RAPGEF6: variants seen among roughly 807,000 people sequenced by gnomAD.
RAPGEF6 encodes Rap guanine nucleotide exchange factor 6, also known as PDZ domain containing guanine nucleotide exchange factor (GEF) 2.
In RAPGEF6, 56 loss-of-function variants were observed where a neutral mutation model predicts 171.4. That is an observed-to-expected ratio of 0.33 (90% CI 0.26 to 0.41). The LOEUF (loss-of-function observed/expected upper bound fraction) is 0.41. RAPGEF6 is among the 10% of genes least tolerant of loss of function. The probability of loss-of-function intolerance (pLI) is 1.00; values close to 1 mark genes in which losing one functional copy is unlikely to be tolerated. For missense variants in RAPGEF6, 1,674 were observed against 1,921.4 expected, an observed-to-expected ratio of 0.87 and a Z score of 2.41; for synonymous variants, 692 against 650.1, an observed-to-expected ratio of 1.06 and a Z score of -0.98.
At chr5:131,616,036 AG>A (rs1282809401) in intron 1 of RAPGEF6, among the ~76,000 whole-genome samples, 1 of 152,162 alleles carries the variant, frequency 6.6e-6, no homozygotes, top group African/African-American at 2.4e-5. Flanking sequence ...GAAATTGTCC[AG>A]GGGTATTAGA....
At chr5:131,609,125 T>A (rs142467171) in intron 1 of RAPGEF6, among the ~76,000 whole-genome samples, 99 of 152,236 alleles carry the variant, frequency 6.5e-4, no homozygotes, top group African/African-American at 2.3e-3. Flanking sequence ...CCCCTTTCAC[T>A]TTTTGCCATG....
Position 131,531,957 on chromosome 5 carries a change from T to TAA in RAPGEF6, c.496-10438_496-10437dup, listed in dbSNP as rs3836730. On this transcript the variant is annotated intron_variant, in intron 6 of 27. Coordinates refer to ENST00000509018, the MANE Select transcript of RAPGEF6 (RefSeq NM_016340.6). The stretch of plus-strand genomic sequence containing the variant: ...GTTAGAATGTTTTAGATATTTAAAT[T>TAA]AAAAAAAAATGGCAATGAGAAAGAC... 383 of 275,790 alleles carry TAA rather than the reference T, an allele frequency of 1.4e-3. 1 individual carries two copies. The highest frequency in any genetic ancestry group is 3.0e-3 in the South Asian group (90 of 30,058). 17.1% of individuals were successfully genotyped at this position (275,790 alleles called of 1,614,324 possible). A position where few individuals can be genotyped will look rare whatever the true frequency, so the allele number is the denominator to read the frequency against.
chr5:131,557,983 T>A (rs527879630), intron 5 of RAPGEF6, among the ~76,000 whole-genome samples: 2 of 152,302 alleles, frequency 1.3e-5, no homozygotes, highest in Admixed American at 1.3e-4. Flanking sequence ...AATGCCCTTG[T>A]TAGGCTGTTA....
chr5:131,524,603 A>AGAGATT (rs1340402304), intron 6 of RAPGEF6, among the ~76,000 whole-genome samples: 2 of 64,140 alleles, frequency 3.1e-5, no homozygotes, highest in African/African-American at 1.0e-4. Flanking sequence ...GGGGGGAGAG[A>AGAGATT]GAGATTGAGA....
chr5:131,517,815 AC>A, intron 7 of RAPGEF6, among the ~76,000 whole-genome samples: 1 of 147,874 alleles, frequency 6.8e-6, no homozygotes, highest in Non-Finnish European at 1.5e-5. Context: ...ACACACACAC[AC>A]ACACACAAAA....
intron 17 of RAPGEF6, 120 bp downstream of exon 17, chr5:131,472,467 A>G (rs1754811811): frequency 9.5e-6 from 11 of 1,157,948 alleles, no homozygotes; most frequent in Non-Finnish European, 1.3e-5. Context: ...TTTTTGCATC[A>G]AGTCATAATC....
At chr5:131,492,512 A>T in intron 14 of RAPGEF6, 70 bp downstream of exon 14, 2 of 1,466,024 alleles carry the variant, frequency 1.4e-6, no homozygotes, top group Non-Finnish European at 1.9e-6. Flanking sequence ...TTTCTGGAAG[A>T]TGAGAACAAA....
chr5:131,524,609 T>A (rs867887453), intron 6 of RAPGEF6, among the ~76,000 whole-genome samples: 6 of 135,012 alleles, frequency 4.4e-5, no homozygotes, highest in African/African-American at 1.7e-4. Context: ...AGAGAGAGAT[T>A]GAGAGAGAGA....
chr5:131,528,304 A>T (rs1409801748), intron 6 of RAPGEF6, among the ~76,000 whole-genome samples: 9 of 36,178 alleles, frequency 2.5e-4, no homozygotes, highest in African/African-American at 8.4e-4. Flanking sequence ...ATAAAATAAT[A>T]TATTTATATT....
intron 1 of RAPGEF6, among the ~76,000 whole-genome samples, chr5:131,624,538 A>T (rs13157685): frequency 0.44 from 66,538 of 152,088 alleles, 17,623 homozygotes; most frequent in Non-Finnish European, 0.59. Context: ...ATACACCTGT[A>T]CTCCCAGCTA....
chr5:131,447,956 C>T (rs1752828719), intron 21 of RAPGEF6, among the ~76,000 whole-genome samples: 1 of 152,274 alleles, frequency 6.6e-6, no homozygotes, highest in East Asian at 1.9e-4. Context: ...AATCCAAAGC[C>T]ATTAGTGAAT....
intron 6 of RAPGEF6, among the ~76,000 whole-genome samples, chr5:131,543,242 T>C (rs963499341): frequency 2.0e-4 from 30 of 152,214 alleles, no homozygotes; most frequent in African/African-American, 7.2e-4. Flanking sequence ...GGGGAGGATG[T>C]AGAAAGCAGG....
intron 17 of RAPGEF6, among the ~76,000 whole-genome samples, chr5:131,470,482 C>T (rs1754666471): frequency 6.6e-6 from 1 of 152,148 alleles, no homozygotes; most frequent in Admixed American, 6.5e-5. Flanking sequence ...CAACCCTATC[C>T]CTTATTCCCT....
At chr5:131,473,171 A>G (rs1035743025) in intron 16 of RAPGEF6, among the ~76,000 whole-genome samples, 7 of 152,208 alleles carry the variant, frequency 4.6e-5, no homozygotes, top group Non-Finnish European at 1.0e-4. Flanking sequence ...CCTCTAGGAA[A>G]AAGAGTCTAC....
chr5:131,498,428 C>A lies in RAPGEF6; in HGVS notation c.1419+15G>T, dbSNP rs917528192. The A allele has an allele frequency of 6.3e-7, 1 of 1,576,650 alleles. No individual in the cohort carries two copies. The highest frequency in any genetic ancestry group is 1.4e-5 in the African/African-American group (1 of 73,322). ...TTTGGGTTAAAATCACTTTCATGCC[C>A]CTTATAAAACCAACCTTATCTCTTA... On this transcript the variant is annotated intron_variant, in intron 12 of 27. Coordinates refer to ENST00000509018, the MANE Select transcript of RAPGEF6 (RefSeq NM_016340.6).
At chr5:131,582,409 G>A (rs182010118) in intron 4 of RAPGEF6, among the ~76,000 whole-genome samples, 3 of 152,246 alleles carry the variant, frequency 2.0e-5, no homozygotes, top group Admixed American at 6.5e-5. Flanking sequence ...GATAAAATTA[G>A]ATCCACACCT....
At chr5:131,524,520 A>C (rs1758725471) in intron 6 of RAPGEF6, among the ~76,000 whole-genome samples, 1 of 152,006 alleles carries the variant, frequency 6.6e-6, no homozygotes, top group Non-Finnish European at 1.5e-5. Context: ...CCATGCAAAC[A>C]CAACCAAAAG....
chr5:131,561,970 G>T lies in RAPGEF6; in HGVS notation c.351+8C>A. On this transcript the variant is annotated splice_region_variant and intron_variant, in intron 5 of 27. Transcript: ENST00000509018. ...CAAAAACAATTCAGCATTCTTTAAA[G>T]TTCTTACCACAATCATTTCTGAAGG... 1 of 1,580,526 alleles carries T rather than the reference G, an allele frequency of 6.3e-7. No individual in the cohort carries two copies.
rs1754160580 is a variant in RAPGEF6, at chr5:131,464,275, G to C, written c.2246C>G (p.Pro749Arg). ...TTTGAAAACTCTTATAACTTGATCA[G>C]GGATATCTACATAAATAGAAAGATA... is the stretch of plus-strand genomic sequence containing the variant. ...MLDFSNPSDI[P>R]DQVIRVFKVD... Residue 749 changes from proline (P) to arginine (R), a missense_variant, in exon 18 of 28, where the codon CCT becomes CGT. Coordinates refer to ENST00000509018, the MANE Select transcript of RAPGEF6 (RefSeq NM_016340.6). 1 of 1,609,526 alleles carries C rather than the reference G, an allele frequency of 6.2e-7. No individual in the cohort carries two copies. The highest frequency in any genetic ancestry group is 8.5e-7 in the Non-Finnish European group (1 of 1,176,724).
Sources: gnomAD v4.1 joint callset for allele counts (sites outside exome capture counted in the v4.1 genomes callset) on GRCh38, gnomAD v4.1.1 for gene constraint, MANE v1.5 for transcripts, NCBI Gene and HGNC (gene_info 2026-07-23, HGNC 2026-07-21) for gene names.